Variants in XYLT1 observed in about 807,000 individuals in gnomAD.
XYLT1 encodes xylosyltransferase 1.
XYLT1 carries 36 observed loss-of-function variants against 91.3 expected under a neutral mutation model. The ratio of observed to expected loss-of-function variants is 0.39; its 90% CI spans 0.30 to 0.52. XYLT1 has a LOEUF of 0.52. Among genes scored for constraint, XYLT1 ranks in the 20% least tolerant of loss-of-function variants. XYLT1 has a pLI of 0.68. For synonymous variants in XYLT1, 588 were observed against 532.0 expected, an observed-to-expected ratio of 1.11 and a Z score of -1.45; for missense variants, 1,242 against 1,284.5, an observed-to-expected ratio of 0.97 and a Z score of 0.51.
intron 2 of XYLT1, among the ~76,000 whole-genome samples, chr16:17,341,679 T>A (rs964763139): frequency 6.6e-6 from 1 of 152,014 alleles, no homozygotes; most frequent in African/African-American, 2.4e-5. Context: ...AAAAAAAAAA[T>A]TAACAGCAGT....
At chr16:17,206,933 AATTTCTGGAT>A (rs1351480084) in intron 3 of XYLT1, among the ~76,000 whole-genome samples, 1 of 152,138 alleles carries the variant, frequency 6.6e-6, no homozygotes, top group Non-Finnish European at 1.5e-5. Flanking sequence ...AGGGAGATGA[AATTTCTGGAT>A]ATTTCTGGAA....
At chr16:17,261,228 T>G (rs1596454465) in intron 2 of XYLT1, among the ~76,000 whole-genome samples, 20 of 95,982 alleles carry the variant, frequency 2.1e-4, no homozygotes, top group South Asian at 6.3e-4. Flanking sequence ...GGGGGGAGAG[T>G]GAAACTGGCT....
At chr16:17,459,228 C>T (rs949987912) in intron 1 of XYLT1, among the ~76,000 whole-genome samples, 5 of 152,002 alleles carry the variant, frequency 3.3e-5, no homozygotes, top group Admixed American at 6.6e-5. Context: ...AAAAATTAGC[C>T]GGGCATGGTG....
intron 1 of XYLT1, among the ~76,000 whole-genome samples, chr16:17,441,775 T>C (rs182457369): frequency 6.6e-6 from 1 of 152,276 alleles, no homozygotes; most frequent in Admixed American, 6.5e-5. Flanking sequence ...AGGATAAAGA[T>C]AGGATCATTA....
chr16:17,233,078 G>A (rs902777489), intron 3 of XYLT1, among the ~76,000 whole-genome samples: 2 of 152,062 alleles, frequency 1.3e-5, no homozygotes, highest in Non-Finnish European at 2.9e-5. Flanking sequence ...ACAAAGAGGG[G>A]CCGTTTAATA....
At chr16:17,226,374 G>A (rs2141717234) in intron 3 of XYLT1, among the ~76,000 whole-genome samples, 1 of 152,332 alleles carries the variant, frequency 6.6e-6, no homozygotes, top group South Asian at 2.1e-4. Flanking sequence ...AGCACTATGG[G>A]CTGGATAACT....
At chr16:17,406,049 G>C (rs1354021235) in intron 1 of XYLT1, among the ~76,000 whole-genome samples, 1 of 152,126 alleles carries the variant, frequency 6.6e-6, no homozygotes, top group Non-Finnish European at 1.5e-5. Context: ...GCCAGGCGTG[G>C]TGGTGCATGC....
chr16:17,250,653 T>C (rs1158106551), intron 3 of XYLT1: 2 of 152,338 alleles, frequency 1.3e-5, no homozygotes, highest in East Asian at 3.9e-4. Flanking sequence ...TCTCTTGCCT[T>C]TCCCCAGCAA....
intron 10 of XYLT1, among the ~76,000 whole-genome samples, chr16:17,122,327 T>C (rs1439010985): frequency 2.0e-5 from 3 of 152,234 alleles, no homozygotes; most frequent in Non-Finnish European, 4.4e-5. Context: ...TGGTTTTGAT[T>C]TGCATTTTCC....
intron 1 of XYLT1, among the ~76,000 whole-genome samples, chr16:17,426,945 T>C (rs1596540089): frequency 6.6e-6 from 1 of 152,114 alleles, no homozygotes; most frequent in Non-Finnish European, 1.5e-5. Flanking sequence ...GCATCCCAGA[T>C]AGAAGAAGGA....
chr16:17,186,383 G>C (rs540784158), intron 5 of XYLT1, among the ~76,000 whole-genome samples: 5 of 151,888 alleles, frequency 3.3e-5, no homozygotes, highest in African/African-American at 1.2e-4. Context: ...GATTACAGAC[G>C]TGAGCCACCA....
At chr16:17,207,701 T>C (rs11646172) in intron 3 of XYLT1, among the ~76,000 whole-genome samples, 104,856 of 152,038 alleles carry the variant, frequency 0.69, 37,419 homozygotes, top group African/African-American at 0.87. Context: ...CACCAAGCCC[T>C]GCTGGGAGGA....
chr16:17,370,892 T>C (rs1434388556), intron 1 of XYLT1, among the ~76,000 whole-genome samples: 1 of 152,120 alleles, frequency 6.6e-6, no homozygotes, highest in African/African-American at 2.4e-5. Context: ...CTTAGAAGGG[T>C]CACAGGCCCT....
intron 2 of XYLT1, among the ~76,000 whole-genome samples, chr16:17,279,558 C>A (rs1446268728): frequency 1.3e-5 from 2 of 152,130 alleles, no homozygotes; most frequent in African/African-American, 2.4e-5. Context: ...CAGTGAAACA[C>A]CTAGAAAATT....
intron 2 of XYLT1, among the ~76,000 whole-genome samples, chr16:17,330,412 T>C (rs1237316995): frequency 6.6e-6 from 1 of 151,908 alleles, no homozygotes; most frequent in Admixed American, 6.6e-5. Flanking sequence ...CCCATACATA[T>C]CAAAGACCCG....
chr16:17,283,483 C>T (rs968205349), intron 2 of XYLT1, among the ~76,000 whole-genome samples: 1 of 152,172 alleles, frequency 6.6e-6, no homozygotes, highest in Admixed American at 6.5e-5. Flanking sequence ...CATAGGCACA[C>T]ACGCACACAC....
intron 6 of XYLT1, 114 bp from the exon 7 acceptor site, chr16:17,141,483 C>T: frequency 9.6e-7 from 1 of 1,042,784 alleles, no homozygotes; most frequent in South Asian, 1.5e-5. Context: ...TGAGTGCCTG[C>T]TGTGTGCCAG....
chr16:17,149,902 T>C (rs1012722280), intron 6 of XYLT1, among the ~76,000 whole-genome samples: 1 of 152,212 alleles, frequency 6.6e-6, no homozygotes, highest in African/African-American at 2.4e-5. Context: ...GCTTAGCACA[T>C]AGTAAGGGCT....
At chr16:17,289,059 C>T (rs1262095425) in intron 2 of XYLT1, among the ~76,000 whole-genome samples, 2 of 152,188 alleles carry the variant, frequency 1.3e-5, no homozygotes, top group African/African-American at 2.4e-5. Context: ...TTTTCATCCA[C>T]GATGATCTAT....
Sources: gnomAD v4.1 joint callset for allele counts (sites outside exome capture counted in the v4.1 genomes callset) on GRCh38, gnomAD v4.1.1 for gene constraint, MANE v1.5 for transcripts, NCBI Gene and HGNC (gene_info 2026-07-23, HGNC 2026-07-21) for gene names.